The following KHDRBS2 variants were observed in gnomAD, a reference collection of about 807,000 sequenced individuals.
The protein encoded by KHDRBS2 is KH RNA binding domain containing, signal transduction associated 2.
A neutral mutation model predicts 44.3 loss-of-function variants in KHDRBS2; 26 were observed. That is an observed-to-expected ratio of 0.59 (90% confidence interval 0.43 to 0.81). KHDRBS2 has a LOEUF of 0.81. Among genes scored for constraint, KHDRBS2 ranks in the 40% least tolerant of loss-of-function variants. The pLI is 0.00. For synonymous variants in KHDRBS2, 194 were observed against 151.1 expected, an observed-to-expected ratio of 1.28 and a Z score of -2.08; for missense variants, 476 against 433.1, an observed-to-expected ratio of 1.10 and a Z score of -0.88.
At chr6:62,229,281 G>T (rs176621) in intron 1 of KHDRBS2, among the ~76,000 whole-genome samples, 28,885 of 152,010 alleles carry the variant, frequency 0.19, 3,243 homozygotes, top group African/African-American at 0.32. Context: ...AGGGGCACTC[G>T]GTCTACAGTA....
the KHDRBS2 span, among the ~76,000 whole-genome samples, chr6:61,668,682 A>G: frequency 3.3e-5 from 5 of 151,204 alleles, no homozygotes; most frequent in East Asian, 9.8e-4. Context: ...TTTTCACATT[A>G]CTATCTGTTT....
intron 2 of KHDRBS2, among the ~76,000 whole-genome samples, chr6:62,128,493 T>C (rs561110326): frequency 6.6e-6 from 1 of 152,170 alleles, no homozygotes; most frequent in African/African-American, 2.4e-5. Context: ...CTTTTAGGAA[T>C]GAGACACCAT....
chr6:62,108,847 C>CA (rs1335161030), intron 2 of KHDRBS2, among the ~76,000 whole-genome samples: 1 of 151,950 alleles, frequency 6.6e-6, no homozygotes, highest in Non-Finnish European at 1.5e-5. Context: ...ATCGCAAGGA[C>CA]AAAAAACCAA....
chr6:61,722,909 C>T (rs1039350845), intron 7 of KHDRBS2, among the ~76,000 whole-genome samples: 2 of 152,006 alleles, frequency 1.3e-5, no homozygotes, highest in African/African-American at 4.8e-5. Flanking sequence ...TGGGGTTTCA[C>T]CATGTTAGCC....
chr6:61,729,865 A>T (rs1413688186), intron 7 of KHDRBS2, among the ~76,000 whole-genome samples: 1 of 152,096 alleles, frequency 6.6e-6, no homozygotes, highest in Non-Finnish European at 1.5e-5. Context: ...TTAGAAATAT[A>T]TGTTTTGCTA....
At chr6:61,914,013 T>C (rs1467770870) in intron 4 of KHDRBS2, among the ~76,000 whole-genome samples, 1 of 152,072 alleles carries the variant, frequency 6.6e-6, no homozygotes, top group African/African-American at 2.4e-5. Flanking sequence ...TAAGGAATAT[T>C]TAAGATGGAC....
chr6:61,721,241 C>T lies in KHDRBS2; in HGVS notation c.893+11441G>A, dbSNP rs548612506. ...GCCTCCAGCTTTGTCCTTTTGGCTC[C>T]GGATTGACTGGGCGACGCGGGCTCT... On this transcript the variant is annotated intron_variant, in intron 7 of 8. Transcript: ENST00000281156. Among the ~76,000 whole-genome samples, 269 of 152,114 alleles carry T rather than the reference C, an allele frequency of 1.8e-3. 2 individuals are homozygous for T. The highest frequency in any genetic ancestry group is 6.2e-3 in the African/African-American group (256 of 41,528).
At chr6:61,781,339 A>G (rs1236950513) in intron 6 of KHDRBS2, among the ~76,000 whole-genome samples, 1 of 152,188 alleles carries the variant, frequency 6.6e-6, no homozygotes, top group Non-Finnish European at 1.5e-5. Context: ...CATAATATAA[A>G]TGAAATTTCC....
At chr6:61,780,825 C>T (rs1331982998) in intron 6 of KHDRBS2, among the ~76,000 whole-genome samples, 1 of 152,110 alleles carries the variant, frequency 6.6e-6, no homozygotes, top group African/African-American at 2.4e-5. Context: ...GAAAAGCAAA[C>T]TGCCTGTCAT....
chr6:61,618,131 CT>C, the KHDRBS2 span, among the ~76,000 whole-genome samples: 236 of 152,272 alleles, frequency 1.5e-3, no homozygotes, highest in African/African-American at 5.5e-3. Flanking sequence ...AATGATAACA[CT>C]TTTGAAGGCA....
At chr6:61,846,358 A>T (rs904169963) in intron 6 of KHDRBS2, among the ~76,000 whole-genome samples, 1 of 152,164 alleles carries the variant, frequency 6.6e-6, no homozygotes, top group Non-Finnish European at 1.5e-5. Context: ...AAATCTAACC[A>T]CAGTTGCTAC....
At chr6:61,915,903 T>G (rs1328659354) in intron 4 of KHDRBS2, among the ~76,000 whole-genome samples, 3 of 152,044 alleles carry the variant, frequency 2.0e-5, no homozygotes, top group Non-Finnish European at 4.4e-5. Flanking sequence ...AGCCATTAAT[T>G]GGCTGTCTTC....
At chr6:61,696,907 T>C (rs1767968539) in intron 8 of KHDRBS2, among the ~76,000 whole-genome samples, 1 of 152,146 alleles carries the variant, frequency 6.6e-6, no homozygotes, top group African/African-American at 2.4e-5. Context: ...AATCAATGAG[T>C]CAGACAATGA....
intron 3 of KHDRBS2, among the ~76,000 whole-genome samples, chr6:62,014,010 G>A (rs575701698): frequency 1.3e-5 from 2 of 152,322 alleles, no homozygotes; most frequent in South Asian, 4.1e-4. Context: ...TGTCACTACA[G>A]AGTTTTGATT....
intron 2 of KHDRBS2, among the ~76,000 whole-genome samples, chr6:62,050,291 G>C (rs183799856): frequency 3.2e-4 from 49 of 151,942 alleles, no homozygotes; most frequent in Middle Eastern, 3.4e-3. Context: ...CAGGGCCTGT[G>C]GGGGTAAGGG....
chr6:62,143,784 T>G (rs1813355282), intron 2 of KHDRBS2, among the ~76,000 whole-genome samples: 1 of 151,974 alleles, frequency 6.6e-6, no homozygotes, highest in African/African-American at 2.4e-5. Flanking sequence ...CTGACTCACT[T>G]ATTCTGAATG....
intron 2 of KHDRBS2, among the ~76,000 whole-genome samples, chr6:62,049,681 A>G (rs1788548321): frequency 6.6e-6 from 1 of 152,060 alleles, no homozygotes; most frequent in Non-Finnish European, 1.5e-5. Context: ...CCTTTGTCAG[A>G]TAGGTAGATT....
At chr6:61,812,851 A>C (rs908150280) in intron 6 of KHDRBS2, among the ~76,000 whole-genome samples, 6 of 152,052 alleles carry the variant, frequency 3.9e-5, no homozygotes, top group African/African-American at 1.4e-4. Flanking sequence ...CTTTGGCCTC[A>C]GTACATTTTC....
chr6:62,203,739 C>T (rs979353428), intron 1 of KHDRBS2, among the ~76,000 whole-genome samples: 15 of 152,080 alleles, frequency 9.9e-5, no homozygotes, highest in Non-Finnish European at 2.2e-4. Context: ...TTGGCAAGAT[C>T]AGATTATTAA....
Sources: gnomAD v4.1 joint callset for allele counts (sites outside exome capture counted in the v4.1 genomes callset) on GRCh38, gnomAD v4.1.1 for gene constraint, MANE v1.5 for transcripts, NCBI Gene and HGNC (gene_info 2026-07-23, HGNC 2026-07-21) for gene names.